VTI1A: variants seen among roughly 807,000 people sequenced by gnomAD.
VTI1A encodes vesicle transport through interaction with t-SNAREs 1A.
VTI1A carries 22 observed loss-of-function variants against 34.9 expected under a neutral mutation model. The observed-to-expected ratio is 0.63, with a 90% CI of 0.45 to 0.90. The LOEUF is 0.90. VTI1A is among the 40% of genes least tolerant of loss of function. The pLI is 0.00. For synonymous variants in VTI1A, 87 were observed against 97.3 expected, an observed-to-expected ratio of 0.89 and a Z score of 0.62; for missense variants, 268 against 275.6, an observed-to-expected ratio of 0.97 and a Z score of 0.20.
At chr10:112,716,632 C>A (rs565549548) in intron 7 of VTI1A, among the ~76,000 whole-genome samples, 1 of 152,100 alleles carries the variant, frequency 6.6e-6, no homozygotes, top group South Asian at 2.1e-4. Context: ...ATTGACCATC[C>A]CTACTCTGAA....
At chr10:112,768,008 G>T (rs1851695897) in intron 7 of VTI1A, among the ~76,000 whole-genome samples, 1 of 152,152 alleles carries the variant, frequency 6.6e-6, no homozygotes, top group Admixed American at 6.5e-5. Flanking sequence ...GCTCCTATCT[G>T]CTCCTTCCCA....
chr10:112,664,375 C>T (rs930575897), intron 5 of VTI1A, among the ~76,000 whole-genome samples: 1 of 152,080 alleles, frequency 6.6e-6, no homozygotes, highest in Non-Finnish European at 1.5e-5. Context: ...CTCCGAAATA[C>T]AGGTCTTATA....
chr10:112,685,602 T>G (rs1848375166), intron 7 of VTI1A, among the ~76,000 whole-genome samples: 1 of 152,184 alleles, frequency 6.6e-6, no homozygotes. Flanking sequence ...CATTTTTTGG[T>G]TTCTTTAGTT....
intron 7 of VTI1A, among the ~76,000 whole-genome samples, chr10:112,696,435 A>G (rs2133890141): frequency 6.6e-6 from 1 of 152,280 alleles, no homozygotes; most frequent in South Asian, 2.1e-4. Context: ...AAATTGTTTC[A>G]GATTTCAGGA....
chr10:112,530,130 A>G (rs1049981933), intron 4 of VTI1A, among the ~76,000 whole-genome samples: 3 of 152,148 alleles, frequency 2.0e-5, no homozygotes, highest in Admixed American at 6.5e-5. Context: ...AATGCTTTGT[A>G]TACATTCATT....
intron 7 of VTI1A, among the ~76,000 whole-genome samples, chr10:112,744,142 G>A (rs1850800380): frequency 6.6e-6 from 1 of 152,154 alleles, no homozygotes; most frequent in Non-Finnish European, 1.5e-5. Flanking sequence ...ATGTGGGTCA[G>A]CCTCATAGCA....
rs138716911 is a variant in VTI1A, at chr10:112,550,469, A to G, written c.427+12139A>G. Among the ~76,000 whole-genome samples, 172 of 152,218 alleles carry G rather than the reference A, an allele frequency of 1.1e-3. 3 individuals carry two copies. The highest frequency in any genetic ancestry group is 9.4e-3 in the Admixed American group (144 of 15,284). The stretch of plus-strand genomic sequence containing the variant: ...AAGACTTTGTGTACAACTTATATCA[A>G]GTGGAAAACTTGATGGGCATGAGCT... On this transcript the variant is annotated intron_variant, in intron 5 of 7. Transcript: ENST00000393077.
intron 7 of VTI1A, among the ~76,000 whole-genome samples, chr10:112,764,110 C>A (rs1388325695): frequency 6.6e-6 from 1 of 152,212 alleles, no homozygotes; most frequent in Non-Finnish European, 1.5e-5. Flanking sequence ...GATGCCCGAC[C>A]TATAGCAATG....
chr10:112,600,954 C>T (rs1304718483), intron 5 of VTI1A, among the ~76,000 whole-genome samples: 1 of 152,206 alleles, frequency 6.6e-6, no homozygotes, highest in Non-Finnish European at 1.5e-5. Context: ...TGCTTGCCCT[C>T]AAGGCATTTA....
chr10:112,677,748 G>A (rs907585950), intron 7 of VTI1A: 7 of 152,240 alleles, frequency 4.6e-5, no homozygotes, highest in Admixed American at 3.3e-4. Context: ...ATGGGCCCTT[G>A]ATAACCAGTT....
At chr10:112,833,157 G>A in the VTI1A span, among the ~76,000 whole-genome samples, 1 of 152,076 alleles carries the variant, frequency 6.6e-6, no homozygotes, top group Admixed American at 6.6e-5. Context: ...GCTCCTGACA[G>A]ACATTGCTAA....
At position 112,691,142 on chromosome 10, in the gene VTI1A, T is replaced by C. The variant is rs182697579; in HGVS notation, c.560+22144T>C. 1.9e-3 allele frequency among the ~76,000 whole-genome samples: 284 copies of C among 152,060 alleles called. 2 individuals carry two copies. The highest frequency in any genetic ancestry group is 6.7e-3 in the African/African-American group (277 of 41,468). On this transcript the variant is annotated intron_variant, in intron 7 of 7. Transcript: ENST00000393077. ...CAGGCATGGTGGTGTGTGCCTGTGC[T>C]CCCAGCTGCTTGGGAGGCTGAGGTG...
chr10:112,833,483 G>A, the VTI1A span, among the ~76,000 whole-genome samples: 4 of 151,998 alleles, frequency 2.6e-5, no homozygotes, highest in African/African-American at 7.2e-5. Context: ...TTCTGGCCCT[G>A]GTTTTGCCTC....
Position 112,538,226 on chromosome 10 carries a change from TC to T in VTI1A, c.343-15del. 1 of 1,604,630 alleles carries T rather than the reference TC, an allele frequency of 6.2e-7. No homozygotes were observed. ...TGTAGACGGCCGTCTGATTTTTTTT[TC>T]CCCCTTTTTCTTTTTCAGAGGGCAC... On this transcript the variant is annotated intron_variant, in intron 4 of 7. Transcript: ENST00000393077.
chr10:112,818,708 C>T lies in VTI1A; in HGVS notation c.*3325C>T. On this transcript the variant is annotated 3_prime_UTR_variant, in exon 8 of 8. Transcript: ENST00000393077. The stretch of plus-strand genomic sequence containing the variant: ...CATTATTAGTCCCCACCATTACGTT[C>T]ATTAACAAATTGCATTAAACAACTG... 5.0e-6 allele frequency: 1 copy of T among 201,374 alleles called. No individual in the cohort carries two copies. Among genetic ancestry groups the T allele is most frequent in the East Asian group, 7.7e-5 (1 of 12,926 alleles). 12.5% of individuals were successfully genotyped at this position (201,374 alleles called of 1,614,324 possible).
At chr10:112,533,516 C>T (rs746776919) in intron 4 of VTI1A, 7 of 1,010,524 alleles carry the variant, frequency 6.9e-6, no homozygotes, top group Non-Finnish European at 2.4e-6. Flanking sequence ...TTTTTTTGTG[C>T]ATTCATGTTG....
intron 5 of VTI1A, among the ~76,000 whole-genome samples, chr10:112,577,429 T>C (rs1338237804): frequency 6.6e-6 from 1 of 152,178 alleles, no homozygotes; most frequent in Non-Finnish European, 1.5e-5. Flanking sequence ...TTGAAGTATA[T>C]ACCACCAAGA....
chr10:112,521,822 C>G (rs1452613905), intron 3 of VTI1A, among the ~76,000 whole-genome samples: 1 of 151,922 alleles, frequency 6.6e-6, no homozygotes, highest in Non-Finnish European at 1.5e-5. Context: ...CTGTGATAAA[C>G]AAAAATTCAT....
intron 3 of VTI1A, among the ~76,000 whole-genome samples, chr10:112,490,611 A>ATTTTT (rs10694500): frequency 1.4e-5 from 2 of 143,246 alleles, no homozygotes; most frequent in Middle Eastern, 3.4e-3. Context: ...AGATGCTACA[A>ATTTTT]TTTTTTTTTT....
Sources: allele counts gnomAD v4.1 joint callset (sites outside exome capture counted in the v4.1 genomes callset), GRCh38; gene constraint gnomAD v4.1.1; transcripts MANE v1.5; gene names NCBI Gene and HGNC (gene_info 2026-07-23, HGNC 2026-07-21).